CENPS: variants seen among roughly 807,000 people sequenced by gnomAD.
CENPS encodes the protein centromere protein S.
A neutral mutation model predicts 17.9 loss-of-function variants in CENPS; 16 were observed. The observed-to-expected ratio is 0.90, with a 90% confidence interval of 0.61 to 1.36. The LOEUF (loss-of-function observed/expected upper bound fraction) is 1.36. Among genes scored for constraint, CENPS ranks in the 40% most tolerant of loss-of-function variants. The probability of loss-of-function intolerance (pLI) is 0.00; values close to 1 mark genes in which losing one functional copy is unlikely to be tolerated. For missense variants in CENPS, 160 were observed against 158.6 expected (o/e 1.01, Z -0.05); for synonymous variants, 49 against 55.8 (o/e 0.88, Z 0.54).
intron 1 of CENPS, chr1:10,430,791 T>G: frequency 2.9e-6 from 4 of 1,368,036 alleles, no homozygotes; most frequent in Non-Finnish European, 3.8e-6. Flanking sequence ...AGGAAGCGGT[T>G]CTAGGGGAGC....
At chr1:10,431,405 C>G (rs1639907415) in intron 1 of CENPS, 11 of 1,535,312 alleles carry the variant, frequency 7.2e-6, no homozygotes, top group Non-Finnish European at 9.6e-6. Flanking sequence ...GAACACGGTA[C>G]AGAATGCCCA....
chr1:10,433,778 T>G, intron 1 of CENPS, 64 bp from the exon 2 acceptor site: 1 of 1,605,620 alleles, frequency 6.2e-7, no homozygotes, highest in Non-Finnish European at 8.5e-7. Context: ...GTCTTCATTT[T>G]TTAAGGCGTG....
At chr1:10,436,346 G>A (rs189391581) in intron 3 of CENPS, among the ~76,000 whole-genome samples, 90 of 151,834 alleles carry the variant, frequency 5.9e-4, no homozygotes, top group African/African-American at 2.1e-3. Flanking sequence ...GAGTGTGTGT[G>A]TGTATGTGTG....
Position 10,440,422 on chromosome 1 carries a change from T to G in CENPS, c.276+9T>G. On this transcript the variant is annotated intron_variant, in intron 4 of 4. Transcript: ENST00000309048. ...GGAGGAGTAATTCACTGGTGAGAGATGAATTTCTTTCCTCACTCCCCTTTC... is the reference window on the plus strand; with the variant it reads ...GGAGGAGTAATTCACTGGTGAGAGAGGAATTTCTTTCCTCACTCCCCTTTC... The G allele has an allele frequency of 6.2e-7, 1 of 1,613,716 alleles. No homozygotes were observed. Among genetic ancestry groups the G allele is most frequent in the Non-Finnish European group, 8.5e-7 (1 of 1,179,896 alleles).
chr1:10,439,974 A>G (rs1013046164), intron 3 of CENPS: 1 of 196,976 alleles, frequency 5.1e-6, no homozygotes, highest in African/African-American at 2.3e-5. Flanking sequence ...CTGTATCATG[A>G]GGCCCATTTT....
At position 10,438,576 on chromosome 1, in the gene CENPS, C is replaced by T. The variant is rs191006584; in HGVS notation, c.210-1771C>T. ...AAACTTTTGGGAATCGTCTTTAAAG[C>T]CCGTGTTACAAAGCGTGTTATATGA... On this transcript the variant is annotated intron_variant, in intron 3 of 4. Coordinates refer to ENST00000309048, the MANE Select transcript of CENPS (RefSeq NM_199294.3). Among the ~76,000 whole-genome samples the T allele has an allele frequency of 2.0e-5, 3 of 152,244 alleles. No individual in the cohort carries two copies. In the East Asian group the frequency reaches 5.8e-4, roughly 29 times the overall value.
In CENPS at chr1:10,442,652, C is replaced by A; in HGVS notation, c.*247C>A. The A allele has an allele frequency of 1.0e-5, 5 of 487,520 alleles. No homozygotes were observed. Among genetic ancestry groups the A allele is most frequent in the Non-Finnish European group, 1.6e-5 (5 of 320,444 alleles). The allele number at this position is 487,520 out of a possible 1,614,324, so 30.2% of individuals were successfully genotyped here. ...CCAGAACATAAAAATGGTGTGTGAT[C>A]AAATGGTATATATTAGAAATTACAT... On this transcript the variant is annotated 3_prime_UTR_variant, in exon 5 of 5. Coordinates refer to ENST00000309048, the MANE Select transcript of CENPS (RefSeq NM_199294.3).
rs775229687 is a variant in CENPS, at chr1:10,433,957, G to A, written c.167G>A (p.Arg56Gln). ...TIAAISELTF[R>Q]QCENFAKDLE... ...GCGGCCATTTCGGAGCTGACTTTCC[G>A]ACAGTGTGGTATGAAGCTTCGGCCT... The change falls in exon 2 of 5, where the codon CGA becomes CAA. Residue 56 changes from arginine (R) to glutamine (Q), a missense_variant. Physicochemically the swap from Arg to Gln is conservative, Grantham distance 43. Coordinates refer to ENST00000309048, the MANE Select transcript of CENPS (RefSeq NM_199294.3). The A allele has an allele frequency of 7.4e-6, 12 of 1,613,994 alleles. No homozygotes were observed. The highest frequency in any genetic ancestry group is 5.3e-5 in the African/African-American group (4 of 74,910).
chr1:10,440,551 C>T, intron 4 of CENPS, 138 bp downstream of exon 4: 1 of 1,135,560 alleles, frequency 8.8e-7, no homozygotes, highest in Non-Finnish European at 1.2e-6. Context: ...TCAGACCTGC[C>T]TGTAATTTAC....
At chr1:10,431,148 G>A in intron 1 of CENPS, 2 of 1,444,510 alleles carry the variant, frequency 1.4e-6, no homozygotes, top group South Asian at 2.9e-5. Context: ...CACTTGTCAG[G>A]GTAGCTGCGG....
chr1:10,436,020 C>T (rs1640142269), intron 3 of CENPS, among the ~76,000 whole-genome samples: 3 of 151,132 alleles, frequency 2.0e-5, no homozygotes, highest in Admixed American at 2.0e-4. Flanking sequence ...CACTCTCGCC[C>T]AGGCGGGAGT....
intron 1 of CENPS, among the ~76,000 whole-genome samples, chr1:10,431,613 TG>T (rs2124243300): frequency 6.6e-6 from 1 of 152,260 alleles, no homozygotes; most frequent in African/African-American, 2.4e-5. Flanking sequence ...TCCAGCACTT[TG>T]GGAGGCCGAG....
chr1:10,431,402 GT>G (rs745926549), intron 1 of CENPS: 18 of 1,535,122 alleles, frequency 1.2e-5, no homozygotes, highest in Non-Finnish European at 1.5e-5. Context: ...CAAGAACACG[GT>G]ACAGAATGCC....
Position 10,433,900 on chromosome 1 carries a change from A to G in CENPS, c.110A>G (p.Asp37Gly). The G allele has an allele frequency of 6.2e-7, 1 of 1,614,198 alleles. No individual in the cohort carries two copies. The highest frequency in any genetic ancestry group is 8.5e-7 in the Non-Finnish European group (1 of 1,180,040). Reference sequence around the variant, plus strand: ...TGTCTTTGCGAGGAAGTTGCATTGGACAAAGAGATGCAGTTCAGCAAACAG... The same window carrying G: ...TGTCTTTGCGAGGAAGTTGCATTGGGCAAAGAGATGCAGTTCAGCAAACAG... ...VGCLCEEVALDKEMQFSKQTI... is the reference protein window; with the variant it reads ...VGCLCEEVALGKEMQFSKQTI... The change falls in exon 2 of 5, where the codon GAC (aspartate) becomes GGC (glycine). Residue 37 changes from aspartate (D) to glycine (G), a missense_variant. Transcript: ENST00000309048.
chr1:10,437,899 A>C (rs1570045130), intron 3 of CENPS, among the ~76,000 whole-genome samples: 2 of 150,538 alleles, frequency 1.3e-5, no homozygotes, highest in South Asian at 4.2e-4. Context: ...AGTAGCTGGG[A>C]CTACAGGCAA....
chr1:10,431,149 G>A (rs1166780652), intron 1 of CENPS: 3 of 1,444,694 alleles, frequency 2.1e-6, no homozygotes, highest in South Asian at 1.4e-5. Flanking sequence ...ACTTGTCAGG[G>A]TAGCTGCGGG....
chr1:10,434,728 G>A (rs770353034), intron 3 of CENPS, 38 bp downstream of exon 3: 28 of 1,566,684 alleles, frequency 1.8e-5, no homozygotes, highest in East Asian at 4.7e-5. Context: ...CTGCGTCTGT[G>A]TAGCTTTTTG....
chr1:10,433,751 A>G (rs1182184410), intron 1 of CENPS, 91 bp from the exon 2 acceptor site: 31 of 1,584,402 alleles, frequency 2.0e-5, no homozygotes, highest in Non-Finnish European at 2.4e-5. Flanking sequence ...GATTGGGCTG[A>G]GCAGACCCTC....
rs148564350 is a variant in CENPS, at chr1:10,435,004, C to T, written c.209+314C>T. Among the ~76,000 whole-genome samples the T allele has an allele frequency of 5.3e-5, 8 of 152,312 alleles. 1 individual carries two copies. In the East Asian group the frequency reaches 1.2e-3, roughly 22 times the overall value. ...GTGCCTGTATTAAAAACCATGTCTT[C>T]GGGTGGTTTGATTGCTCAGGGTTTG... On this transcript the variant is annotated intron_variant, in intron 3 of 4. Transcript: ENST00000309048.
Sources: allele counts gnomAD v4.1 joint callset (sites outside exome capture counted in the v4.1 genomes callset), GRCh38; gene constraint gnomAD v4.1.1; transcripts MANE v1.5; gene names NCBI Gene and HGNC (gene_info 2026-07-23, HGNC 2026-07-21).